Variants in SEMA6D observed in about 807,000 individuals in gnomAD.
SEMA6D encodes the protein semaphorin 6D, also known as semaphorin-6D.
SEMA6D carries 35 observed loss-of-function variants against 106.6 expected under a neutral mutation model. That is an observed-to-expected ratio of 0.33 (90% CI 0.25 to 0.44). SEMA6D has a LOEUF of 0.44. SEMA6D is among the 20% of genes least tolerant of loss of function. The pLI is 1.00. For synonymous variants in SEMA6D, 499 were observed against 487.7 expected (o/e 1.02, Z -0.31); for missense variants, 1,185 against 1,345.9 (o/e 0.88, Z 1.87).
intron 2 of SEMA6D, among the ~76,000 whole-genome samples, chr15:47,455,681 C>G (rs755593008): frequency 6.6e-6 from 1 of 151,922 alleles, no homozygotes; most frequent in Non-Finnish European, 1.5e-5. Context: ...TTCTCACCAC[C>G]ATTAACTCCA....
In SEMA6D at chr15:47,771,358, C is replaced by G. The variant is rs2082618104; in HGVS notation, c.2795C>G (p.Pro932Arg). 2 of 1,614,012 alleles carry G rather than the reference C, an allele frequency of 1.2e-6. No homozygotes were observed. Among genetic ancestry groups the G allele is most frequent in the Non-Finnish European group, 1.7e-6 (2 of 1,179,966 alleles). The change falls in exon 19 of 19, where the codon CCT (proline) becomes CGT (arginine). Residue 932 changes from proline to arginine, a missense_variant. Physicochemically the swap from Pro to Arg is moderately radical, Grantham distance 103. Transcript: ENST00000536845. ...AACCGGGAGGCATCGCTATACTCCC[C>G]TCCTTCAACTCTCCCCAGAAATAGC... The part of the protein sequence containing the change: ...VPNREASLYS[P>R]PSTLPRNSPT...
intron 1 of SEMA6D, among the ~76,000 whole-genome samples, chr15:47,332,877 A>G (rs989259159): frequency 1.3e-5 from 2 of 152,154 alleles, no homozygotes; most frequent in African/African-American, 4.8e-5. Context: ...AAACATAGGC[A>G]CCATTCAGCC....
intron 1 of SEMA6D, among the ~76,000 whole-genome samples, chr15:47,192,393 A>G (rs1348088185): frequency 4.6e-5 from 7 of 152,276 alleles, no homozygotes; most frequent in Admixed American, 3.9e-4. Context: ...GGTAAATGCA[A>G]TTTGCCAATG....
At chr15:47,284,265 AC>A (rs2035259338) in intron 1 of SEMA6D, among the ~76,000 whole-genome samples, 1 of 152,224 alleles carries the variant, frequency 6.6e-6, no homozygotes, top group Non-Finnish European at 1.5e-5. Flanking sequence ...TGACAGTTAA[AC>A]ACTTGTTATC....
At chr15:47,333,957 A>G (rs1045114201) in intron 1 of SEMA6D, among the ~76,000 whole-genome samples, 1 of 152,212 alleles carries the variant, frequency 6.6e-6, no homozygotes, top group African/African-American at 2.4e-5. Context: ...CCCTCATTCC[A>G]GAGATATTTC....
intron 1 of SEMA6D, among the ~76,000 whole-genome samples, chr15:47,227,572 C>CAT (rs2031821491): frequency 9.2e-6 from 1 of 109,068 alleles, no homozygotes; most frequent in Non-Finnish European, 1.8e-5. Flanking sequence ...CTCTCTCTCA[C>CAT]ACACACACAC....
At chr15:47,591,024 T>C (rs1261086515) in intron 3 of SEMA6D, among the ~76,000 whole-genome samples, 1 of 152,176 alleles carries the variant, frequency 6.6e-6, no homozygotes, top group Non-Finnish European at 1.5e-5. Context: ...CAAAATCCCT[T>C]AGGCCAGGTA....
At chr15:47,633,888 C>G (rs775631766) in intron 4 of SEMA6D, among the ~76,000 whole-genome samples, 5 of 152,124 alleles carry the variant, frequency 3.3e-5, no homozygotes, top group Non-Finnish European at 7.4e-5. Flanking sequence ...TTGTTCTGTC[C>G]TCTGTCATCT....
intron 4 of SEMA6D, among the ~76,000 whole-genome samples, chr15:47,676,556 C>A: frequency 6.6e-6 from 1 of 152,154 alleles, no homozygotes; most frequent in Non-Finnish European, 1.5e-5. Flanking sequence ...ACAATTTCTG[C>A]AATTTTACGA....
At chr15:47,383,495 T>G (rs2039713005) in intron 1 of SEMA6D, among the ~76,000 whole-genome samples, 1 of 152,148 alleles carries the variant, frequency 6.6e-6, no homozygotes, top group Admixed American at 6.6e-5. Flanking sequence ...TCATACTCTT[T>G]CACTTTGAGA....
intron 1 of SEMA6D, among the ~76,000 whole-genome samples, chr15:47,265,248 C>T (rs2034263700): frequency 6.6e-6 from 1 of 151,740 alleles, no homozygotes; most frequent in South Asian, 2.1e-4. Context: ...ATCTAGGCCT[C>T]AACTTTTATT....
At chr15:47,218,951 G>A (rs1031343130) in intron 1 of SEMA6D, among the ~76,000 whole-genome samples, 19 of 152,128 alleles carry the variant, frequency 1.2e-4, no homozygotes, top group Admixed American at 6.6e-4. Context: ...TTCTTCTGTC[G>A]ATTGCTAACT....
chr15:47,349,355 T>C (rs148570135), intron 1 of SEMA6D, among the ~76,000 whole-genome samples: 1 of 152,198 alleles, frequency 6.6e-6, no homozygotes, highest in African/African-American at 2.4e-5. Flanking sequence ...GCAGAGGCAC[T>C]TTTGTTTATT....
intron 3 of SEMA6D, among the ~76,000 whole-genome samples, chr15:47,526,911 G>A (rs2044778208): frequency 6.6e-6 from 1 of 151,972 alleles, no homozygotes; most frequent in African/African-American, 2.4e-5. Flanking sequence ...TAATTTTTTT[G>A]TATTTTTAGT....
At chr15:47,661,443 C>T (rs1190708734) in intron 4 of SEMA6D, among the ~76,000 whole-genome samples, 1 of 152,170 alleles carries the variant, frequency 6.6e-6, no homozygotes, top group Admixed American at 6.5e-5. Context: ...TGGCACTGCT[C>T]TGCTAAATCT....
chr15:47,254,329 G>GTATATATATATATA (rs201817469), intron 1 of SEMA6D, among the ~76,000 whole-genome samples: 409 of 132,614 alleles, frequency 3.1e-3, no homozygotes, highest in Non-Finnish European at 5.1e-3. Context: ...ATGTGTGTGT[G>GTATATATATATATA]TGTATATATA....
intron 2 of SEMA6D, among the ~76,000 whole-genome samples, chr15:47,437,762 A>C (rs912122846): frequency 2.0e-5 from 3 of 152,262 alleles, no homozygotes; most frequent in African/African-American, 4.8e-5. Flanking sequence ...TGCTATAATT[A>C]CAAATTTTCT....
chr15:47,388,097 G>A (rs1447250233), intron 1 of SEMA6D, among the ~76,000 whole-genome samples: 1 of 152,062 alleles, frequency 6.6e-6, no homozygotes, highest in Admixed American at 6.5e-5. Context: ...AGCTCTTTCA[G>A]GCACCATTTC....
At chr15:47,716,330 A>T (rs1257180524), upstream of SEMA6D, among the ~76,000 whole-genome samples, 1 of 152,104 alleles carries the variant, frequency 6.6e-6, no homozygotes, top group Admixed American at 6.5e-5. Flanking sequence ...GTTCCTTTTC[A>T]AGGCTGTCCT....
Sources: gnomAD v4.1 joint callset for allele counts (sites outside exome capture counted in the v4.1 genomes callset) on GRCh38, gnomAD v4.1.1 for gene constraint, MANE v1.5 for transcripts, NCBI Gene and HGNC (gene_info 2026-07-23, HGNC 2026-07-21) for gene names.